GABRA3: variants seen among roughly 807,000 people sequenced by gnomAD.
GABRA3 encodes the protein gamma-aminobutyric acid receptor subunit alpha-3.
In GABRA3, 10 loss-of-function variants were observed where a neutral mutation model predicts 30.1. That is an observed-to-expected ratio of 0.33 (90% confidence interval 0.20 to 0.56). GABRA3 has a LOEUF of 0.56. GABRA3 is among the 20% of genes least tolerant of loss of function. The pLI is 0.89. For missense variants in GABRA3, 233 were observed against 392.0 expected, an observed-to-expected ratio of 0.59 and a Z score of 3.42; for synonymous variants, 151 against 146.8, an observed-to-expected ratio of 1.03 and a Z score of -0.21.
At chrX:152,322,700 A>T (rs1266099211) in intron 3 of GABRA3, among the ~76,000 whole-genome samples, 2 of 107,261 alleles carry the variant, frequency 1.9e-5, no homozygotes, top group Non-Finnish European at 3.8e-5. Flanking sequence ...CACCCAGATA[A>T]TTTTTGTATT....
intron 1 of GABRA3, chrX:152,393,627 T>C (rs1929557964): frequency 4.1e-6 from 1 of 242,182 alleles, no homozygotes; most frequent in Non-Finnish European, 7.9e-6. Flanking sequence ...ATACAACTTA[T>C]TTAGGCAAAC....
At chrX:152,315,239 G>C (rs778553029) in intron 3 of GABRA3, among the ~76,000 whole-genome samples, 1 of 111,579 alleles carries the variant, frequency 9.0e-6, no homozygotes, top group South Asian at 3.8e-4. Context: ...CCCTCACTGA[G>C]GAACCTGAAG....
chrX:152,195,456 C>T lies in GABRA3; in HGVS notation c.931+2177G>A, dbSNP rs186383537. Among the ~76,000 whole-genome samples, 11 of 112,282 alleles carry T rather than the reference C, an allele frequency of 9.8e-5. No homozygotes were observed. The Admixed American group carries it at 1.0e-3, about 11-fold the overall frequency. Reference sequence around the variant, plus strand: ...TTTAGTTGCCTAAAACAATTAAATGCCTTCTTACAATTCTTGATGCTAGAA... The same window carrying T: ...TTTAGTTGCCTAAAACAATTAAATGTCTTCTTACAATTCTTGATGCTAGAA... On this transcript the variant is annotated intron_variant, in intron 8 of 9. Coordinates refer to ENST00000370314, the MANE Select transcript of GABRA3 (RefSeq NM_000808.4).
chrX:152,309,333 A>G (rs1939766589), intron 3 of GABRA3, among the ~76,000 whole-genome samples: 1 of 111,328 alleles, frequency 9.0e-6, no homozygotes, highest in African/African-American at 3.3e-5. Context: ...CAAAACACAT[A>G]GTCATCAGAT....
At chrX:152,356,558 T>C (rs1467328396) in intron 2 of GABRA3, among the ~76,000 whole-genome samples, 1 of 112,040 alleles carries the variant, frequency 8.9e-6, no homozygotes, top group Non-Finnish European at 1.9e-5. Flanking sequence ...GTGCTTTTTA[T>C]GATTAACCAA....
At chrX:152,248,078 CCTT>C (rs1276925699) in intron 5 of GABRA3, among the ~76,000 whole-genome samples, 2 of 110,671 alleles carry the variant, frequency 1.8e-5, no homozygotes, top group Non-Finnish European at 3.8e-5. Context: ...TTATACTTGC[CCTT>C]CTTCTTCCAC....
intron 1 of GABRA3, among the ~76,000 whole-genome samples, chrX:152,369,149 C>G (rs1226003026): frequency 9.0e-6 from 1 of 110,984 alleles, no homozygotes; most frequent in Non-Finnish European, 1.9e-5. Context: ...CCCAGTCTAA[C>G]AGGTGTGAGG....
chrX:152,318,515 A>G (rs1406495114), intron 3 of GABRA3, among the ~76,000 whole-genome samples: 1 of 111,335 alleles, frequency 9.0e-6, no homozygotes, highest in Non-Finnish European at 1.9e-5. Context: ...AGAAGAGGAC[A>G]TAACAAAAAA....
chrX:152,171,513 T>C (rs112774242), intron 9 of GABRA3: 213 of 128,145 alleles, frequency 1.7e-3, no homozygotes, highest in African/African-American at 6.1e-3. Context: ...ATTTACCCAT[T>C]TCTACACCTA....
rs772999767 is a variant in GABRA3, at chrX:152,371,281, ATC to A, written c.-26-6687_-26-6686del. Among the ~76,000 whole-genome samples the A allele has an allele frequency of 3.7e-4, 41 of 111,680 alleles. No individual in the cohort carries two copies. In the East Asian group the frequency reaches 5.7e-3, roughly 15 times the overall value. Reference sequence around the variant, plus strand: ...GAGAAGAAATAACTCTTTTCCCAGAATCTCTGCAAATAGCTTTGCTTCTTATT... The same window carrying A: ...GAGAAGAAATAACTCTTTTCCCAGAATCTGCAAATAGCTTTGCTTCTTATT... On this transcript the variant is annotated intron_variant, in intron 1 of 9. Transcript: ENST00000370314.
In GABRA3 at chrX:152,264,268, TACA is replaced by T. The variant is rs1429980064; in HGVS notation, c.331-8273_331-8271del. 7.2e-5 allele frequency among the ~76,000 whole-genome samples: 8 copies of T among 111,486 alleles called. No individual in the cohort carries two copies. The Admixed American group carries it at 7.6e-4, about 11-fold the overall frequency. On this transcript the variant is annotated intron_variant, in intron 4 of 9. Coordinates refer to ENST00000370314, the MANE Select transcript of GABRA3 (RefSeq NM_000808.4). ...TCATGTACTAATCAAAAATAATAAC[TACA>T]ACAACTTTCCAAGACATAGACAGTA... is the stretch of plus-strand genomic sequence containing the variant.
intron 4 of GABRA3, among the ~76,000 whole-genome samples, chrX:152,259,497 G>A (rs2047212821): frequency 9.0e-6 from 1 of 111,499 alleles, no homozygotes; most frequent in South Asian, 3.8e-4. Context: ...GAGTAGAGGA[G>A]AGGGAAGAGT....
intron 5 of GABRA3, among the ~76,000 whole-genome samples, chrX:152,253,948 G>T (rs1174916876): frequency 9.0e-6 from 1 of 111,537 alleles, no homozygotes; most frequent in Non-Finnish European, 1.9e-5. Context: ...CTCTCAACCT[G>T]TCCCAAAACA....
chrX:152,351,625 T>C (rs1052829606), intron 2 of GABRA3, among the ~76,000 whole-genome samples: 13 of 112,262 alleles, frequency 1.2e-4, no homozygotes, highest in Admixed American at 1.0e-3. Flanking sequence ...TTCACTTTCT[T>C]ATCATTTATG....
intron 2 of GABRA3, among the ~76,000 whole-genome samples, chrX:152,359,421 G>A (rs778996954): frequency 9.0e-6 from 1 of 110,821 alleles, no homozygotes; most frequent in African/African-American, 3.3e-5. Context: ...TGTTATTTCT[G>A]ATTGTGTTTA....
chrX:152,241,002 G>A (rs770317116), intron 5 of GABRA3, among the ~76,000 whole-genome samples: 6 of 107,591 alleles, frequency 5.6e-5, no homozygotes, highest in Non-Finnish European at 9.6e-5. Flanking sequence ...GCTCGTCAAA[G>A]TCATTCTCCA....
intron 3 of GABRA3, among the ~76,000 whole-genome samples, chrX:152,288,471 A>G (rs1353263859): frequency 8.9e-6 from 1 of 112,583 alleles, no homozygotes; most frequent in African/African-American, 3.2e-5. Flanking sequence ...ACCAGTAGTT[A>G]GAACAGATTC....
In GABRA3 at chrX:152,168,552, T is replaced by G; in HGVS notation, c.1155A>C (p.Pro385=). ...TGCTGGTTTTCTTTGCTGGGGCTGCTGGTGTTTTCTTCTAGAGGCCAGGAA... is the reference window on the plus strand; with the variant it reads ...TGCTGGTTTTCTTTGCTGGGGCTGCGGGTGTTTTCTTCTAGAGGCCAGGAA... ...PEALEMKKKT[P]AAPAKKTSTT... Residue 385 remains proline, a synonymous_variant, in exon 10 of 10, where the codon CCA becomes CCC. Transcript: ENST00000370314. 1.7e-6 allele frequency: 2 copies of G among 1,203,565 alleles called. No homozygotes were observed. The highest frequency in any genetic ancestry group is 2.2e-6 in the Non-Finnish European group (2 of 889,023).
intron 1 of GABRA3, among the ~76,000 whole-genome samples, chrX:152,435,732 T>A (rs918842708): frequency 2.7e-5 from 3 of 110,262 alleles, no homozygotes; most frequent in Non-Finnish European, 1.9e-5. Context: ...GCCCCAGAAC[T>A]TAAAGTAAAG....
Sources: gnomAD v4.1 joint callset for allele counts (sites outside exome capture counted in the v4.1 genomes callset) on GRCh38, gnomAD v4.1.1 for gene constraint, MANE v1.5 for transcripts, NCBI Gene and HGNC (gene_info 2026-07-23, HGNC 2026-07-21) for gene names.